Variants in PRIM2 observed in about 807,000 individuals in gnomAD.
PRIM2 encodes the protein DNA primase subunit 2.
A neutral mutation model predicts 67.3 loss-of-function variants in PRIM2; 39 were observed. That is an observed-to-expected ratio of 0.58 (90% CI 0.45 to 0.76). The LOEUF is 0.76. PRIM2 is among the 30% of genes least tolerant of loss of function. The pLI, the probability that PRIM2 is intolerant of heterozygous loss-of-function variation, is 0.00. For missense variants in PRIM2, 398 were observed against 598.7 expected (o/e 0.66, Z 3.50); for synonymous variants, 143 against 198.7 (o/e 0.72, Z 2.36).
At chr6:57,325,830 C>G (rs1402933207) in intron 4 of PRIM2, 95 bp from the exon 5 acceptor site, 1 of 1,289,542 alleles carries the variant, frequency 7.8e-7, no homozygotes, top group African/African-American at 1.5e-5. Flanking sequence ...CCATTGGCAT[C>G]TTGCTGATGT....
At chr6:57,462,158 T>C (rs1773029229) in intron 7 of PRIM2, among the ~76,000 whole-genome samples, 1 of 152,192 alleles carries the variant, frequency 6.6e-6, no homozygotes, top group African/African-American at 2.4e-5. Flanking sequence ...TGGATAAACA[T>C]AGATTGTTTG....
At chr6:57,459,067 T>G (rs1245684717) in intron 7 of PRIM2, among the ~76,000 whole-genome samples, 1 of 152,224 alleles carries the variant, frequency 6.6e-6, no homozygotes, top group African/African-American at 2.4e-5. Context: ...CTTAACACAA[T>G]GAGTTTTGGA....
chr6:57,569,043 A>C lies in PRIM2; in HGVS notation c.1020+31418A>C, dbSNP rs1775808660. ...TATTGCACCAAAGTTAGGATGAGCT[A>C]TATTGGTTATGAGGGAGTACAGTGA... On this transcript the variant is annotated intron_variant, in intron 10 of 13. Transcript: ENST00000615550. 2.0e-5 allele frequency among the ~76,000 whole-genome samples: 3 copies of C among 152,348 alleles called. No homozygotes were observed. The South Asian group carries it at 6.2e-4, about 32-fold the overall frequency.
Position 57,549,517 on chromosome 6 carries a change from C to T in PRIM2, c.1020+11892C>T, listed in dbSNP as rs1385855570. 8.6e-5 allele frequency among the ~76,000 whole-genome samples: 13 copies of T among 151,634 alleles called. No homozygotes were observed. The South Asian group carries it at 2.7e-3, about 32-fold the overall frequency. On this transcript the variant is annotated intron_variant, in intron 10 of 13. Transcript: ENST00000615550. ...ATAGAGATTTTTCAGTTCTTGAGGA[C>T]AATAGTAATGTCTGCTAAAATATTG...
At chr6:57,293,314 A>C in the PRIM2 span, among the ~76,000 whole-genome samples, 12 of 152,344 alleles carry the variant, frequency 7.9e-5, no homozygotes, top group East Asian at 2.3e-3. Flanking sequence ...TAGAATGGCA[A>C]TCATGAAAAA....
At chr6:57,241,710 T>G in the PRIM2 span, among the ~76,000 whole-genome samples, 1 of 99,990 alleles carries the variant, frequency 1.0e-5, no homozygotes. Flanking sequence ...TTTTTTGAGA[T>G]GGAGTCTTGC....
Position 57,362,407 on chromosome 6 carries a change from A to T in PRIM2, c.460-17494A>T, listed in dbSNP as rs148118150. ...TTATTGCTTGAATAAACGTGGCTGC[A>T]TCAGTGGTTCATGTTGACTCAAAGC... On this transcript the variant is annotated intron_variant, in intron 5 of 13. Coordinates refer to ENST00000615550, the MANE Select transcript of PRIM2 (RefSeq NM_000947.5). 1.3e-3 allele frequency among the ~76,000 whole-genome samples: 196 copies of T among 152,286 alleles called. 5 individuals carry two copies. The East Asian group carries it at 0.017, about 13-fold the overall frequency.
chr6:57,332,686 A>G lies in PRIM2; in HGVS notation c.459+6641A>G, dbSNP rs1039965722. 2.0e-5 allele frequency among the ~76,000 whole-genome samples: 3 copies of G among 151,996 alleles called. 1 individual carries two copies. Among genetic ancestry groups the G allele is most frequent in the Admixed American group, 2.0e-4 (3 of 15,254 alleles). On this transcript the variant is annotated intron_variant, in intron 5 of 13. Coordinates refer to ENST00000615550, the MANE Select transcript of PRIM2 (RefSeq NM_000947.5). ...TGTTTGACATTAGCATAGCCATTCC[A>G]GATCTTTTATGGTTGTTGTTTACGT...
At chr6:57,343,803 T>C (rs572385234) in intron 5 of PRIM2, among the ~76,000 whole-genome samples, 45 of 152,284 alleles carry the variant, frequency 3.0e-4, no homozygotes, top group African/African-American at 1.1e-3. Context: ...AGGAAGACTT[T>C]ATTCAAAGGG....
In PRIM2 at chr6:57,317,716, C is replaced by T. The variant is rs913029552; in HGVS notation, c.-10+15C>T. The T allele has an allele frequency of 6.6e-6, 1 of 152,618 alleles. No homozygotes were observed. The highest frequency in any genetic ancestry group is 2.4e-5 in the African/African-American group (1 of 41,432). The allele number at this position is 152,618 out of a possible 1,614,324, so 9.5% of individuals were successfully genotyped here. On this transcript the variant is annotated intron_variant, in intron 1 of 13. Coordinates refer to ENST00000615550, the MANE Select transcript of PRIM2 (RefSeq NM_000947.5). ...AATTCTTGCAGGTAGGGGAAACTTC[C>T]GCGAATTTAGGACAGAGAGCAATCC...
intron 10 of PRIM2, among the ~76,000 whole-genome samples, chr6:57,593,583 C>T (rs1242299535): frequency 2.0e-5 from 3 of 152,164 alleles, no homozygotes; most frequent in Non-Finnish European, 4.4e-5. Flanking sequence ...CGTGAGCCAC[C>T]GTGCCCGGCC....
At chr6:57,280,975 A>C in the PRIM2 span, among the ~76,000 whole-genome samples, 2 of 151,992 alleles carry the variant, frequency 1.3e-5, no homozygotes, top group Non-Finnish European at 2.9e-5. Flanking sequence ...TGCTAACCAC[A>C]GTCTACTCTC....
chr6:57,535,188 T>G (rs1284231688), intron 9 of PRIM2, among the ~76,000 whole-genome samples: 1 of 152,098 alleles, frequency 6.6e-6, no homozygotes, highest in Non-Finnish European at 1.5e-5. Flanking sequence ...GAATGATGAC[T>G]TGGCTTTGGC....
the PRIM2 span, among the ~76,000 whole-genome samples, chr6:57,289,277 C>T: frequency 6.6e-6 from 1 of 152,116 alleles, no homozygotes; most frequent in Admixed American, 6.5e-5. Flanking sequence ...GAGAAAAGAA[C>T]AAAGCCTCCA....
At chr6:57,631,034 A>G (rs1701439214) in intron 12 of PRIM2, among the ~76,000 whole-genome samples, 1 of 152,224 alleles carries the variant, frequency 6.6e-6, no homozygotes, top group Non-Finnish European at 1.5e-5. Context: ...GTGACACGAA[A>G]TTCAGAAATG....
At chr6:57,292,461 A>G in the PRIM2 span, among the ~76,000 whole-genome samples, 1 of 152,196 alleles carries the variant, frequency 6.6e-6, no homozygotes, top group African/African-American at 2.4e-5. Context: ...CCATCAAGCT[A>G]CCAATGACTT....
At chr6:57,614,999 TAA>T (rs1776730176) in intron 12 of PRIM2, among the ~76,000 whole-genome samples, 1 of 152,264 alleles carries the variant, frequency 6.6e-6, no homozygotes, top group African/African-American at 2.4e-5. Context: ...AGTTTCTGCC[TAA>T]GTTAGATGTC....
At chr6:57,335,081 A>G (rs951792615) in intron 5 of PRIM2, among the ~76,000 whole-genome samples, 2 of 152,196 alleles carry the variant, frequency 1.3e-5, no homozygotes, top group African/African-American at 4.8e-5. Flanking sequence ...TCCCTTTCCT[A>G]GTCAAAGAAA....
chr6:57,300,024 C>T, the PRIM2 span, among the ~76,000 whole-genome samples: 2 of 152,182 alleles, frequency 1.3e-5, no homozygotes, highest in African/African-American at 2.4e-5. Flanking sequence ...CAGACACCCT[C>T]CCATGGGACC....
Sources: allele counts gnomAD v4.1 joint callset (sites outside exome capture counted in the v4.1 genomes callset), GRCh38; gene constraint gnomAD v4.1.1; transcripts MANE v1.5; gene names NCBI Gene and HGNC (gene_info 2026-07-23, HGNC 2026-07-21).